Variants in COL5A1 observed in about 807,000 individuals in gnomAD.
COL5A1 encodes the protein collagen alpha-1(V) chain.
Under a neutral mutation model 263.7 loss-of-function variants are expected in COL5A1, and 16 were observed. That is an observed-to-expected ratio of 0.06 (90% CI 0.04 to 0.09). The LOEUF (loss-of-function observed/expected upper bound fraction) is 0.09, where lower values mean the gene tolerates loss of function less well. Among genes scored for constraint, COL5A1 ranks in the 10% least tolerant of loss-of-function variants. The pLI is 1.00. For synonymous variants in COL5A1, 1,012 were observed against 1,004.5 expected, an observed-to-expected ratio of 1.01 and a Z score of -0.14; for missense variants, 2,036 against 2,540.5, an observed-to-expected ratio of 0.80 and a Z score of 4.27.
intron 11 of COL5A1, among the ~76,000 whole-genome samples, chr9:134,746,140 G>A (rs1385600276): frequency 6.6e-6 from 1 of 152,200 alleles, no homozygotes; most frequent in Non-Finnish European, 1.5e-5. Context: ...GGTCATGCAC[G>A]TACGTGTTCT....
rs1328448424 is a variant in COL5A1, at chr9:134,759,327, TGCACACAA to T, written c.1935+1039_1935+1046del. ...ACACACCCCCACACTCATACACACA[TGCACACAA>T]GCACACACACACACCCACATTCATA... On this transcript the variant is annotated intron_variant, in intron 18 of 65. Coordinates refer to ENST00000371817, the MANE Select transcript of COL5A1 (RefSeq NM_000093.5). 2.0e-3 allele frequency among the ~76,000 whole-genome samples: 216 copies of T among 109,554 alleles called. 2 individuals carry two copies. The highest frequency in any genetic ancestry group is 3.3e-3 in the East Asian group (10 of 3,032). The allele number at this position is 109,554 out of a possible 152,430, so 71.9% of individuals were successfully genotyped here. A position where few individuals can be genotyped will look rare whatever the true frequency, so the allele number is the denominator to read the frequency against.
chr9:134,707,171 A>G (rs1375831079), intron 4 of COL5A1, among the ~76,000 whole-genome samples: 17 of 152,116 alleles, frequency 1.1e-4, no homozygotes, highest in African/African-American at 4.1e-4. Context: ...GGAGGGGATG[A>G]GAACTGCCCC....
intron 32 of COL5A1, among the ~76,000 whole-genome samples, chr9:134,790,605 C>CCAT (rs1837655055): frequency 5.1e-4 from 43 of 84,544 alleles, no homozygotes; most frequent in Non-Finnish European, 7.5e-4. Flanking sequence ...CATCCACCCA[C>CCAT]CCATCCATCC....
intron 65 of COL5A1, among the ~76,000 whole-genome samples, chr9:134,840,469 G>A (rs1047849120): frequency 4.6e-5 from 7 of 152,168 alleles, no homozygotes; most frequent in Admixed American, 6.5e-5. Flanking sequence ...CACAGAAAGC[G>A]TATCGGTTAT....
intron 28 of COL5A1, among the ~76,000 whole-genome samples, chr9:134,781,400 G>T (rs998784678): frequency 1.3e-5 from 2 of 152,240 alleles, no homozygotes; most frequent in African/African-American, 4.8e-5. Context: ...CGTGGAGCCC[G>T]TCGGGGCTTC....
Position 134,678,140 on chromosome 9 carries a change from A to G in COL5A1, c.110-12772A>G, listed in dbSNP as rs143281299. ...AGGCATTCTCCCAGCTTGCAGCCCC[A>G]TGGTGCAGAGGAAAGATTTTGGACC... On this transcript the variant is annotated intron_variant, in intron 1 of 65. Transcript: ENST00000371817. The surrounding 1 kb of genome is among the most constrained non-coding windows in gnomAD (Gnocchi z 5.5). Among the ~76,000 whole-genome samples, 450 of 152,238 alleles carry G rather than the reference A, an allele frequency of 3.0e-3. 2 individuals carry two copies. The highest frequency in any genetic ancestry group is 0.01 in the African/African-American group (429 of 41,538).
chr9:134,749,128 C>T (rs1018511527), intron 11 of COL5A1, among the ~76,000 whole-genome samples: 8 of 152,128 alleles, frequency 5.3e-5, no homozygotes, highest in Admixed American at 4.6e-4. Context: ...CCCAGCTACT[C>T]GGGAGGCTGA....
At chr9:134,809,062 G>T in intron 42 of COL5A1, 121 bp from the exon 43 acceptor site, 1 of 874,952 alleles carries the variant, frequency 1.1e-6, no homozygotes, top group East Asian at 2.6e-5. Flanking sequence ...GGACTGTGGG[G>T]ACGGTCACCC....
At chr9:134,740,196 C>T (rs1188495426) in intron 11 of COL5A1, among the ~76,000 whole-genome samples, 1 of 152,038 alleles carries the variant, frequency 6.6e-6, no homozygotes, top group African/African-American at 2.4e-5. Flanking sequence ...AGACAGGCAA[C>T]AGCGAGTGGC....
chr9:134,692,668 A>G (rs879843485), intron 2 of COL5A1, among the ~76,000 whole-genome samples: 57 of 152,270 alleles, frequency 3.7e-4, no homozygotes, highest in Non-Finnish European at 7.1e-4. Flanking sequence ...GTGTCACCCA[A>G]TTCTGGGGTG....
Position 134,680,232 on chromosome 9 carries a change from G to A in COL5A1, c.110-10680G>A, listed in dbSNP as rs567756754. On this transcript the variant is annotated intron_variant, in intron 1 of 65. Coordinates refer to ENST00000371817, the MANE Select transcript of COL5A1 (RefSeq NM_000093.5). This position sits in a 1 kb window ranked among gnomAD's most constrained non-coding sequence, Gnocchi z 5.9. The stretch of plus-strand genomic sequence containing the variant: ...GCCCACTCAGGGCAGCCATCCAGGC[G>A]AAGGTTAACATAGAGCCTCCAGGCC... Among the ~76,000 whole-genome samples, 13 of 152,316 alleles carry A rather than the reference G, an allele frequency of 8.5e-5. No homozygotes were observed. In the Middle Eastern group the frequency reaches 0.01, roughly 120 times the overall value.
chr9:134,732,269 G>T, intron 9 of COL5A1, 142 bp downstream of exon 9: 1 of 803,862 alleles, frequency 1.2e-6, no homozygotes, highest in Non-Finnish European at 2.2e-6. Flanking sequence ...TGGTCTCGTG[G>T]AGTCCACGCA....
Position 134,647,590 on chromosome 9 carries a change from C to T in COL5A1, c.109+5294C>T, listed in dbSNP as rs879637669. ...GTTTGAGGAGCTCGTGGCAGGGCGACGTTTCTCTCCTTACCGTGACCCGGC... is the reference window on the plus strand; with the variant it reads ...GTTTGAGGAGCTCGTGGCAGGGCGATGTTTCTCTCCTTACCGTGACCCGGC... On this transcript the variant is annotated intron_variant, in intron 1 of 65. Coordinates refer to ENST00000371817, the MANE Select transcript of COL5A1 (RefSeq NM_000093.5). This position sits in a 1 kb window ranked among gnomAD's most constrained non-coding sequence, Gnocchi z 5.0. Among the ~76,000 whole-genome samples the T allele has an allele frequency of 2.6e-5, 4 of 152,182 alleles. No individual in the cohort carries two copies. Among genetic ancestry groups the T allele is most frequent in the South Asian group, 2.1e-4 (1 of 4,826 alleles).
chr9:134,727,386 C>T lies in COL5A1; in HGVS notation c.775C>T (p.Pro259Ser). ...CACCCCACAGTCGCAGGACCCCAAT[C>T]CAGATGAATATGTGAGTTAACTCTG... ...PDTPQSQDPN[P>S]DEYYTEGDGE... The change falls in exon 5 of 66, where the codon CCA (proline) becomes TCA (serine). Residue 259 changes from proline to serine, a missense_variant. Physicochemically the swap from Pro to Ser is moderately conservative, Grantham distance 74. Transcript: ENST00000371817. 6.2e-7 allele frequency: 1 copy of T among 1,614,140 alleles called. No individual in the cohort carries two copies. Among genetic ancestry groups the T allele is most frequent in the Middle Eastern group, 1.6e-4 (1 of 6,062 alleles).
At chr9:134,679,076 T>C (rs949232875) in intron 1 of COL5A1, among the ~76,000 whole-genome samples, 4 of 152,228 alleles carry the variant, frequency 2.6e-5, no homozygotes, top group Non-Finnish European at 1.5e-5. Context: ...TCTTCACTAC[T>C]TGACACCCTT....
chr9:134,813,845 C>A, intron 48 of COL5A1, 138 bp from the exon 49 acceptor site: 2 of 829,532 alleles, frequency 2.4e-6, no homozygotes, highest in South Asian at 1.5e-5. Context: ...GTGGGGACAG[C>A]ACTCCCCAGA....
At chr9:134,762,521 A>G (rs369441585) in intron 19 of COL5A1, among the ~76,000 whole-genome samples, 1 of 152,156 alleles carries the variant, frequency 6.6e-6, no homozygotes, top group African/African-American at 2.4e-5. Context: ...GGGGTCTGGT[A>G]TCTGCCACGC....
Position 134,819,175 on chromosome 9 carries a change from T to C in COL5A1, c.4446+122T>C, listed in dbSNP as rs1588588007. The C allele has an allele frequency of 1.8e-5, 19 of 1,077,040 alleles. No individual in the cohort carries two copies. In the East Asian group the frequency reaches 4.7e-4, roughly 26 times the overall value. 66.7% of individuals were successfully genotyped at this position (1,077,040 alleles called of 1,614,324 possible). ...AATGTGTCAAGCACCTGCTGCAGGC[T>C]GGTGGTGGGGAACCTGAGGGGTGAC... is the stretch of plus-strand genomic sequence containing the variant. On this transcript the variant is annotated intron_variant, in intron 57 of 65. Coordinates refer to ENST00000371817, the MANE Select transcript of COL5A1 (RefSeq NM_000093.5).
intron 64 of COL5A1, among the ~76,000 whole-genome samples, chr9:134,833,329 G>A (rs574472804): frequency 1.2e-4 from 19 of 152,348 alleles, no homozygotes; most frequent in Admixed American, 5.2e-4. Context: ...GCACCTGGTG[G>A]AGCTGAGCAG....
Sources: gnomAD v4.1 joint callset for allele counts (sites outside exome capture counted in the v4.1 genomes callset) on GRCh38, gnomAD v4.1.1 for gene constraint, Gnocchi (gnomAD v3.1) non-coding constraint, MANE v1.5 for transcripts, NCBI Gene and HGNC (gene_info 2026-07-23, HGNC 2026-07-21) for gene names.